Variants in SBNO2 observed in about 807,000 individuals in gnomAD.
The protein encoded by SBNO2 is protein strawberry notch homolog 2.
Under a neutral mutation model 146.3 loss-of-function variants are expected in SBNO2, and 89 were observed. The ratio of observed to expected loss-of-function variants is 0.61; its 90% CI spans 0.51 to 0.73. The LOEUF (loss-of-function observed/expected upper bound fraction) is 0.73, where lower values mean the gene tolerates loss of function less well. Ranked by LOEUF, SBNO2 falls within the 30% of genes least tolerant of loss-of-function variation. SBNO2 has a pLI of 0.00. For missense variants in SBNO2, 2,092 were observed against 2,003.7 expected, an observed-to-expected ratio of 1.04 and a Z score of -0.84; for synonymous variants, 1,147 against 892.6, an observed-to-expected ratio of 1.29 and a Z score of -5.08.
At chr19:1,113,039 A>G (rs2079785860) in intron 19 of SBNO2, 90 bp from the exon 20 acceptor site, 2 of 1,425,728 alleles carry the variant, frequency 1.4e-6, no homozygotes, top group Non-Finnish European at 1.9e-6. Context: ...TATGTCCTAC[A>G]GTGGTCATGG....
intron 1 of SBNO2, among the ~76,000 whole-genome samples, chr19:1,165,694 T>TCAGACCC (rs1372089424): frequency 3.5e-5 from 1 of 28,372 alleles, no homozygotes; most frequent in East Asian, 1.8e-3. Flanking sequence ...ACCCCAGATC[T>TCAGACCC]CAGACCCCAG....
chr19:1,111,970 C>T (rs2079767413), intron 23 of SBNO2, 26 bp downstream of exon 23: 2 of 1,604,882 alleles, frequency 1.2e-6, no homozygotes, highest in African/African-American at 2.7e-5. Flanking sequence ...CTGCCCCGCC[C>T]CCCAACCCTG....
rs1325557065 is a variant in SBNO2 at position 1,108,293 on chromosome 19, GCCGCGCCCCCCGCCC to G, written c.4013_4027del (p.Gly1338_Ala1342del). 13 of 1,496,074 alleles carry G rather than the reference GCCGCGCCCCCCGCCC, an allele frequency of 8.7e-6. No individual in the cohort carries two copies. Among genetic ancestry groups the G allele is most frequent in the East Asian group, 5.8e-5 (2 of 34,570 alleles). 92.7% of individuals were successfully genotyped at this position (1,496,074 alleles called of 1,614,324 possible). On this transcript the variant is annotated inframe_deletion, in exon 32 of 32. Coordinates refer to ENST00000361757, the MANE Select transcript of SBNO2 (RefSeq NM_014963.3). The stretch of plus-strand genomic sequence containing the variant: ...GCTCTGCCGCTCGGGACCACCGCCC[GCCGCGCCCCCCGCCC>G]CCGCGCCCTCCCCCAGCGCGCCCTC...
chr19:1,160,463 A>G (rs1409419365), intron 1 of SBNO2, among the ~76,000 whole-genome samples: 1 of 152,186 alleles, frequency 6.6e-6, no homozygotes, highest in Non-Finnish European at 1.5e-5. Flanking sequence ...CCCGAAGGGC[A>G]GTGGGGAGAC....
At chr19:1,171,236 G>A (rs956503926) in intron 1 of SBNO2, among the ~76,000 whole-genome samples, 3 of 151,706 alleles carry the variant, frequency 2.0e-5, no homozygotes, top group African/African-American at 7.3e-5. Flanking sequence ...CACACACAAC[G>A]CACCCACATC....
chr19:1,121,591 C>T (rs188598774), intron 11 of SBNO2, among the ~76,000 whole-genome samples: 4 of 152,202 alleles, frequency 2.6e-5, no homozygotes, highest in Non-Finnish European at 5.9e-5. Context: ...GGTGCCCTGC[C>T]GTGCCTTTGC....
At chr19:1,164,129 A>C (rs2080377966) in intron 1 of SBNO2, among the ~76,000 whole-genome samples, 1 of 152,166 alleles carries the variant, frequency 6.6e-6, no homozygotes, top group Non-Finnish European at 1.5e-5. Context: ...TGGGGGCTTC[A>C]CACTGCACCC....
intron 1 of SBNO2, among the ~76,000 whole-genome samples, chr19:1,166,707 C>T (rs569688971): frequency 2.6e-5 from 4 of 152,160 alleles, no homozygotes; most frequent in Non-Finnish European, 5.9e-5. Context: ...GCCTGTGGTC[C>T]CCTCTAACCT....
intron 3 of SBNO2, 28 bp from the exon 4 acceptor site, chr19:1,147,448 G>A (rs775629649): frequency 1.7e-6 from 2 of 1,174,192 alleles, no homozygotes; most frequent in Non-Finnish European, 2.4e-6. Context: ...GGGGGGAGGT[G>A]AGATGGGGTG....
At position 1,144,525 on chromosome 19, in the gene SBNO2, TGGAGAC is replaced by T. The variant is rs1568611922; in HGVS notation, c.279+2778_279+2783del. Among the ~76,000 whole-genome samples the T allele has an allele frequency of 6.6e-6, 1 of 151,290 alleles. No individual in the cohort carries two copies. The highest frequency in any genetic ancestry group is 1.5e-5 in the Non-Finnish European group (1 of 67,818). ...AGCAGGAGAATTCATGAGACAGAGA[TGGAGAC>T]GGAGACAGAGACAGAGACATGGAGA... On this transcript the variant is annotated intron_variant, in intron 4 of 31. Coordinates refer to ENST00000361757, the MANE Select transcript of SBNO2 (RefSeq NM_014963.3). This position sits in a 1 kb window ranked among gnomAD's most constrained non-coding sequence, Gnocchi z 4.1.
In SBNO2 at chr19:1,122,705, G is replaced by C; in HGVS notation, c.867C>G (p.Ala289=). 6.5e-7 allele frequency: 1 copy of C among 1,536,216 alleles called. No homozygotes were observed. Among genetic ancestry groups the C allele is most frequent in the Non-Finnish European group, 8.7e-7 (1 of 1,146,364 alleles). ...GCAGGTGGTTCTCCAGGATGACTCC[G>C]GCCACCGTCCGGCCTTTGCCCACGC... The part of the protein sequence containing the change: ...GAGVGKGRTV[A]GVILENHLRG... Residue 289 remains alanine (A), a synonymous_variant, in exon 9 of 32, where the codon GCC becomes GCG. Coordinates refer to ENST00000361757, the MANE Select transcript of SBNO2 (RefSeq NM_014963.3).
At chr19:1,161,983 AGACG>A (rs889611605) in intron 1 of SBNO2, among the ~76,000 whole-genome samples, 29 of 140,006 alleles carry the variant, frequency 2.1e-4, no homozygotes, top group South Asian at 2.4e-4. Flanking sequence ...CCGGCCAGAC[AGACG>A]GACGTCCTGG....
At position 1,136,987 on chromosome 19, in the gene SBNO2, G is replaced by A. The variant is rs2080090168; in HGVS notation, c.280-9222C>T. ...TGGTGGGCAAGGGGGCAGCACCTGG[G>A]GAATGGGGATGGGCTGTGGGTGCCG... On this transcript the variant is annotated intron_variant, in intron 4 of 31. Coordinates refer to ENST00000361757, the MANE Select transcript of SBNO2 (RefSeq NM_014963.3). The surrounding 1 kb of genome is among the most constrained non-coding windows in gnomAD (Gnocchi z 4.2). 6.6e-6 allele frequency among the ~76,000 whole-genome samples: 1 copy of A among 151,438 alleles called. No homozygotes were observed. Among genetic ancestry groups the A allele is most frequent in the Admixed American group, 6.6e-5 (1 of 15,234 alleles).
At chr19:1,154,934 G>C (rs920313013) in intron 1 of SBNO2, among the ~76,000 whole-genome samples, 2 of 152,202 alleles carry the variant, frequency 1.3e-5, no homozygotes, top group Non-Finnish European at 2.9e-5. Flanking sequence ...CCTCGTTTCA[G>C]GCTAATCACA....
In SBNO2 at chr19:1,109,408, G is replaced by A. The variant is rs1425066519; in HGVS notation, c.3232C>T (p.Pro1078Ser). 2 of 1,566,296 alleles carry A rather than the reference G, an allele frequency of 1.3e-6. No homozygotes were observed. The highest frequency in any genetic ancestry group is 1.7e-6 in the Non-Finnish European group (2 of 1,156,554). ...TTCTGCTCCGCCAGCAGGCAGCTGG[G>A]CTTGTTACCGCGGACCTGCGGAGGG... ...YLSYKVRGNK[P>S]SCLLAEQNRG... Residue 1078 changes from proline (P) to serine (S), a missense_variant, in exon 29 of 32, where the codon CCC (proline) becomes TCC (serine). By Grantham distance (74) the Pro-to-Ser change is moderately conservative (BLOSUM62 -1). Transcript: ENST00000361757. This position sits in a 1 kb window ranked among gnomAD's most constrained non-coding sequence, Gnocchi z 4.2.
In SBNO2 at chr19:1,111,066, C is replaced by T; in HGVS notation, c.2837G>A (p.Gly946Asp). 2 of 1,561,442 alleles carry T rather than the reference C, an allele frequency of 1.3e-6. No homozygotes were observed. The highest frequency in any genetic ancestry group is 8.7e-7 in the Non-Finnish European group (1 of 1,154,040). ...ATTCCGGGACTCCCGGCCACCAATGCCCACAGACAGCAGGCCCTGCTTCAT... is the reference window on the plus strand; with the variant it reads ...ATTCCGGGACTCCCGGCCACCAATGTCCACAGACAGCAGGCCCTGCTTCAT... Reference protein sequence around the residue: ...RDMKQGLLSVGIGGRESRNGC... With the variant: ...RDMKQGLLSVDIGGRESRNGC... Residue 946 changes from glycine to aspartate, a missense_variant, in exon 25 of 32, where the codon GGC (glycine) becomes GAC (aspartate). Transcript: ENST00000361757.
At position 1,149,495 on chromosome 19, in the gene SBNO2, G is replaced by T. The variant is rs572432972; in HGVS notation, c.94-53C>A. ...TGGGAAGCAGAGGACCTGCGGTGCA[G>T]CCCGGCTAAGCCCTCCGGGCAGGGT... On this transcript the variant is annotated intron_variant, in intron 2 of 31. Transcript: ENST00000361757. The T allele has an allele frequency of 2.0e-5, 29 of 1,485,644 alleles. No homozygotes were observed. In the South Asian group the frequency reaches 2.7e-4, roughly 14 times the overall value. The allele number at this position is 1,485,644 out of a possible 1,614,324, so 92.0% of individuals were successfully genotyped here. A position where few individuals can be genotyped will look rare whatever the true frequency, so the allele number is the denominator to read the frequency against.
chr19:1,132,149 GGGGGCCAGGGGTCCCCCAGGAAGCGCT>G (rs1338199677), intron 4 of SBNO2: 2 of 1,473,476 alleles, frequency 1.4e-6, no homozygotes, highest in Non-Finnish European at 1.8e-6. Flanking sequence ...CCGGCGCTCG[GGGGGCCAGGGGTCCCCCAGGAAGCGCT>G]GCCCGGGAGC....
Position 1,140,768 on chromosome 19 carries a change from G to A in SBNO2, c.279+6541C>T, listed in dbSNP as rs1348809780. Among the ~76,000 whole-genome samples, 8 of 151,236 alleles carry A rather than the reference G, an allele frequency of 5.3e-5. No homozygotes were observed. The East Asian group carries it at 1.4e-3, about 26-fold the overall frequency. ...AGGCTGCTGACCCCGCCTTGGGCAGGACCAGCCTCTGCTCAGCCTTGGGTC... is the reference window on the plus strand; with the variant it reads ...AGGCTGCTGACCCCGCCTTGGGCAGAACCAGCCTCTGCTCAGCCTTGGGTC... On this transcript the variant is annotated intron_variant, in intron 4 of 31. Transcript: ENST00000361757. This position sits in a 1 kb window ranked among gnomAD's most constrained non-coding sequence, Gnocchi z 4.4.
Sources: allele counts gnomAD v4.1 joint callset (sites outside exome capture counted in the v4.1 genomes callset), GRCh38; gene constraint gnomAD v4.1.1; non-coding constraint Gnocchi (gnomAD v3.1); transcripts MANE v1.5; gene names NCBI Gene and HGNC (gene_info 2026-07-23, HGNC 2026-07-21).